The following CSMD1 variants were observed in gnomAD, a reference collection of about 807,000 sequenced individuals.
CSMD1 encodes the protein CUB and Sushi multiple domains 1.
Under a neutral mutation model 417.5 loss-of-function variants are expected in CSMD1, and 213 were observed. The ratio of observed to expected loss-of-function variants is 0.51; its 90% CI spans 0.46 to 0.57. CSMD1 has a LOEUF of 0.57. Ranked by LOEUF, CSMD1 falls within the 20% of genes least tolerant of loss-of-function variation. The probability of loss-of-function intolerance (pLI) is 0.00; values close to 1 mark genes in which losing one functional copy is unlikely to be tolerated. For synonymous variants in CSMD1, 2,862 were observed against 1,736.8 expected, an observed-to-expected ratio of 1.65 and a Z score of -16.11; for missense variants, 6,923 against 4,529.7, an observed-to-expected ratio of 1.53 and a Z score of -15.17.
chr8:4,581,020 T>C (rs1324948105), intron 2 of CSMD1, among the ~76,000 whole-genome samples: 2 of 152,194 alleles, frequency 1.3e-5, no homozygotes, highest in Non-Finnish European at 2.9e-5. Context: ...CATGTGGTCA[T>C]GGCTAGGTAA....
At chr8:3,047,484 G>C (rs145442468) in intron 50 of CSMD1, among the ~76,000 whole-genome samples, 11 of 152,216 alleles carry the variant, frequency 7.2e-5, no homozygotes, top group Non-Finnish European at 1.6e-4. Context: ...CAGAGCACAC[G>C]CTCCAGGACG....
chr8:3,288,333 T>A (rs1373944642), intron 25 of CSMD1, among the ~76,000 whole-genome samples: 1 of 147,160 alleles, frequency 6.8e-6, no homozygotes, highest in Non-Finnish European at 1.5e-5. Flanking sequence ...GAGGGAGGAT[T>A]CCTTCTTTTT....
intron 8 of CSMD1, among the ~76,000 whole-genome samples, chr8:3,615,245 G>C (rs1802077993): frequency 6.6e-6 from 1 of 152,090 alleles, no homozygotes; most frequent in African/African-American, 2.4e-5. Flanking sequence ...AGACAGCAAA[G>C]TGGGTACAAA....
intron 50 of CSMD1, among the ~76,000 whole-genome samples, chr8:3,046,259 A>G (rs549010132): frequency 3.2e-4 from 48 of 152,202 alleles, no homozygotes; most frequent in African/African-American, 1.1e-3. Context: ...GGTGGTGCAG[A>G]AGTGAAGCCA....
chr8:3,884,691 G>C (rs1471207376), intron 5 of CSMD1, among the ~76,000 whole-genome samples: 1 of 151,980 alleles, frequency 6.6e-6, no homozygotes, highest in African/African-American at 2.4e-5. Flanking sequence ...TATAATTTTA[G>C]TACTAACTCA....
At chr8:3,380,867 G>A (rs1810585548) in intron 18 of CSMD1, among the ~76,000 whole-genome samples, 1 of 151,744 alleles carries the variant, frequency 6.6e-6, no homozygotes, top group Non-Finnish European at 1.5e-5. Flanking sequence ...ATCCGCACAT[G>A]TGTCCCAGAA....
At chr8:4,575,092 T>C (rs946898400) in intron 2 of CSMD1, among the ~76,000 whole-genome samples, 4 of 152,202 alleles carry the variant, frequency 2.6e-5, no homozygotes, top group African/African-American at 9.6e-5. Context: ...CCAGCCAAAA[T>C]GCACTAACAT....
At chr8:3,318,579 C>G (rs1440197058) in intron 23 of CSMD1, among the ~76,000 whole-genome samples, 1 of 152,172 alleles carries the variant, frequency 6.6e-6, no homozygotes, top group Non-Finnish European at 1.5e-5. Flanking sequence ...GCTTAATATG[C>G]AGTATCTTTC....
intron 1 of CSMD1, among the ~76,000 whole-genome samples, chr8:4,859,045 A>G (rs1293295283): frequency 6.6e-6 from 1 of 151,928 alleles, no homozygotes; most frequent in Non-Finnish European, 1.5e-5. Context: ...CCAAAACAGC[A>G]TGGTACTGGT....
At chr8:4,283,605 G>A (rs1293791481) in intron 3 of CSMD1, among the ~76,000 whole-genome samples, 1 of 152,128 alleles carries the variant, frequency 6.6e-6, no homozygotes, top group South Asian at 2.1e-4. Context: ...CCAGGTCCTT[G>A]GGGACACGAA....
intron 2 of CSMD1, among the ~76,000 whole-genome samples, chr8:4,520,860 A>G (rs1310083049): frequency 6.6e-6 from 1 of 152,198 alleles, no homozygotes; most frequent in Non-Finnish European, 1.5e-5. Context: ...TTCTTTTAAT[A>G]GACTCTATTA....
chr8:3,917,278 G>C (rs1353396042), intron 5 of CSMD1, among the ~76,000 whole-genome samples: 1 of 152,126 alleles, frequency 6.6e-6, no homozygotes, highest in Non-Finnish European at 1.5e-5. Flanking sequence ...ACGAACTGAA[G>C]TTCCTGAAAT....
intron 2 of CSMD1, among the ~76,000 whole-genome samples, chr8:4,539,822 T>C (rs1331589714): frequency 6.6e-6 from 1 of 152,200 alleles, no homozygotes; most frequent in Non-Finnish European, 1.5e-5. Context: ...TTAAGCATTA[T>C]GTGTATGAAA....
chr8:4,851,552 G>C (rs991977708), intron 1 of CSMD1, among the ~76,000 whole-genome samples: 8 of 152,020 alleles, frequency 5.3e-5, no homozygotes, highest in African/African-American at 1.7e-4. Context: ...TACCCCCATA[G>C]GTTCAGAACC....
At chr8:4,940,558 C>T (rs1306808593) in intron 1 of CSMD1, among the ~76,000 whole-genome samples, 1 of 152,182 alleles carries the variant, frequency 6.6e-6, no homozygotes, top group Non-Finnish European at 1.5e-5. Flanking sequence ...CACACAGTAT[C>T]AACTAGCCTC....
chr8:4,465,173 G>C (rs1251137403), intron 2 of CSMD1, among the ~76,000 whole-genome samples: 3 of 152,156 alleles, frequency 2.0e-5, no homozygotes, highest in Non-Finnish European at 4.4e-5. Flanking sequence ...TATGTCACCA[G>C]AGGGAATAGG....
At position 3,134,263 on chromosome 8, in the gene CSMD1, G is replaced by C. The variant is rs533376872; in HGVS notation, c.6241+8202C>G. On this transcript the variant is annotated intron_variant, in intron 41 of 69. Coordinates refer to ENST00000635120, the MANE Select transcript of CSMD1 (RefSeq NM_033225.6). ...TGTTTGCTGCACAAATCAAGGGCAA[G>C]GGTTCTGATGTCCGGAGGCCGTGAT... Among the ~76,000 whole-genome samples the C allele has an allele frequency of 5.9e-5, 9 of 152,312 alleles. No individual in the cohort carries two copies. The East Asian group carries it at 1.5e-3, about 26-fold the overall frequency.
In CSMD1 at chr8:3,272,566, T is replaced by C. The variant is rs973443503; in HGVS notation, c.4153+11578A>G. Among the ~76,000 whole-genome samples the C allele has an allele frequency of 3.6e-5, 5 of 137,626 alleles. No homozygotes were observed. The East Asian group carries it at 8.8e-4, about 24-fold the overall frequency. 90.3% of individuals were successfully genotyped at this position (137,626 alleles called of 152,430 possible). A position where few individuals can be genotyped will look rare whatever the true frequency, so the allele number is the denominator to read the frequency against. ...TATTGATTCTTCCTACCCATGAGCA[T>C]GGAATGTTCTTCCATTTGTTTGTAT... On this transcript the variant is annotated intron_variant, in intron 26 of 69. Transcript: ENST00000635120.
At chr8:3,715,050 A>G (rs1046767709) in intron 6 of CSMD1, among the ~76,000 whole-genome samples, 10 of 152,216 alleles carry the variant, frequency 6.6e-5, no homozygotes, top group African/African-American at 2.4e-4. Flanking sequence ...ACACAATTAC[A>G]TAATCCCCTT....
Sources: gnomAD v4.1 joint callset for allele counts (sites outside exome capture counted in the v4.1 genomes callset) on GRCh38, gnomAD v4.1.1 for gene constraint, MANE v1.5 for transcripts, NCBI Gene and HGNC (gene_info 2026-07-23, HGNC 2026-07-21) for gene names.